Variants in KCNN2 observed in about 807,000 individuals in gnomAD.
The protein encoded by KCNN2 is potassium calcium-activated channel subfamily N member 2.
KCNN2 carries 24 observed loss-of-function variants against 55.5 expected under a neutral mutation model. The ratio of observed to expected loss-of-function variants is 0.43; its 90% CI spans 0.31 to 0.61. The LOEUF is 0.61. Among genes scored for constraint, KCNN2 ranks in the 20% least tolerant of loss-of-function variants. The probability of loss-of-function intolerance (pLI) is 0.08; values close to 1 mark genes in which losing one functional copy is unlikely to be tolerated. For missense variants in KCNN2, 754 were observed against 853.6 expected (o/e 0.88, Z 1.45); for synonymous variants, 431 against 336.1 (o/e 1.28, Z -3.09).
intron 1 of KCNN2, among the ~76,000 whole-genome samples, chr5:114,208,218 C>A (rs777296492): frequency 2.2e-4 from 34 of 152,294 alleles, no homozygotes; most frequent in Non-Finnish European, 4.7e-4. Flanking sequence ...TTTCTAACTT[C>A]ATTTGGATCC....
intron 5 of KCNN2, among the ~76,000 whole-genome samples, chr5:114,480,225 TA>T (rs1561411066): frequency 1.3e-5 from 2 of 152,044 alleles, no homozygotes; most frequent in Admixed American, 1.3e-4. Context: ...AGAATGCTAT[TA>T]AACACCTCTA....
rs150595892 is a variant in KCNN2, at chr5:114,483,343, C to T, written c.1891-3707C>T. Among the ~76,000 whole-genome samples, 604 of 145,996 alleles carry T rather than the reference C, an allele frequency of 4.1e-3. 5 individuals carry two copies. The highest frequency in any genetic ancestry group is 0.014 in the African/African-American group (571 of 39,718). On this transcript the variant is annotated intron_variant, in intron 5 of 7. Transcript: ENST00000673685. The stretch of plus-strand genomic sequence containing the variant: ...AGGCTGGAGCACAGCAGCGTGATCT[C>T]GGCTCACTGCAACCTCCACCTCCTG...
chr5:114,196,046 A>T (rs763176369), intron 1 of KCNN2, among the ~76,000 whole-genome samples: 4 of 152,036 alleles, frequency 2.6e-5, no homozygotes, highest in Non-Finnish European at 5.9e-5. Flanking sequence ...TGTTGAAAAG[A>T]CTATTCTTTC....
In KCNN2 at chr5:114,487,136, A is replaced by C; in HGVS notation, c.1977A>C (p.Lys659Asn). 6.2e-7 allele frequency: 1 copy of C among 1,613,108 alleles called. No individual in the cohort carries two copies. The highest frequency in any genetic ancestry group is 8.5e-7 in the Non-Finnish European group (1 of 1,179,304). ...TKLVKKIDHAKVRKHQRKFLQ... is the reference protein window; with the variant it reads ...TKLVKKIDHANVRKHQRKFLQ... The stretch of plus-strand genomic sequence containing the variant: ...TAGTGAAAAAGATAGATCATGCAAA[A>C]GTAAGAAAACATCAACGAAAATTCC... The change falls in exon 6 of 8, where the codon AAA becomes AAC. Residue 659 changes from lysine to asparagine, a missense_variant. By Grantham distance (94) the Lys-to-Asn change is moderately conservative. Transcript: ENST00000673685.
chr5:114,351,689 A>C (rs1757205855), intron 2 of KCNN2, among the ~76,000 whole-genome samples: 1 of 151,686 alleles, frequency 6.6e-6, no homozygotes, highest in Non-Finnish European at 1.5e-5. Flanking sequence ...ATTTTGTCAA[A>C]TATTTTTTCT....
chr5:114,353,580 G>A (rs1241174517), intron 2 of KCNN2, among the ~76,000 whole-genome samples: 1 of 151,216 alleles, frequency 6.6e-6, no homozygotes, highest in East Asian at 2.0e-4. Flanking sequence ...ATTACTGTTT[G>A]ATGTTATCTG....
At chr5:114,367,995 T>C (rs543489823) in intron 2 of KCNN2, among the ~76,000 whole-genome samples, 3 of 152,220 alleles carry the variant, frequency 2.0e-5, no homozygotes, top group South Asian at 2.1e-4. Flanking sequence ...GTTTTTGTAA[T>C]GTACAGCTGA....
At chr5:114,307,859 A>C (rs1202987464) in intron 2 of KCNN2, among the ~76,000 whole-genome samples, 1 of 152,102 alleles carries the variant, frequency 6.6e-6, no homozygotes, top group Non-Finnish European at 1.5e-5. Context: ...GACTGGATCC[A>C]TGGGTGCCTG....
intron 3 of KCNN2, among the ~76,000 whole-genome samples, chr5:114,438,478 G>A (rs1362196032): frequency 6.6e-6 from 1 of 152,154 alleles, no homozygotes; most frequent in Non-Finnish European, 1.5e-5. Context: ...GGACAGGATA[G>A]AAAAGGGGCT....
chr5:114,248,259 G>C lies in KCNN2; in HGVS notation c.-185+26694G>C, dbSNP rs563820525. Among the ~76,000 whole-genome samples the C allele has an allele frequency of 3.1e-4, 47 of 152,288 alleles. 1 individual carries two copies. In the South Asian group the frequency reaches 9.3e-3, roughly 30 times the overall value. On this transcript the variant is annotated intron_variant, in intron 2 of 10. Coordinates refer to the KCNN2 transcript ENST00000512097. ...TGAGAGTTGGTGTCATCCTCTTAATGATATTATGGAAATTCATCATGTTTG... is the reference window on the plus strand; with the variant it reads ...TGAGAGTTGGTGTCATCCTCTTAATCATATTATGGAAATTCATCATGTTTG...
chr5:114,100,474 A>T (rs1293084234), intron 1 of KCNN2, among the ~76,000 whole-genome samples: 4 of 152,160 alleles, frequency 2.6e-5, no homozygotes, highest in Non-Finnish European at 5.9e-5. Flanking sequence ...GTTCATGGAA[A>T]CCAGTGTTCT....
chr5:114,334,766 C>T (rs892787178), intron 2 of KCNN2, among the ~76,000 whole-genome samples: 3 of 152,202 alleles, frequency 2.0e-5, no homozygotes, highest in Admixed American at 1.3e-4. Flanking sequence ...TTCTGTATTT[C>T]TAAACTATCC....
chr5:114,315,994 C>T (rs1757807315), intron 2 of KCNN2, among the ~76,000 whole-genome samples: 1 of 151,960 alleles, frequency 6.6e-6, no homozygotes, highest in Non-Finnish European at 1.5e-5. Context: ...TGGTCTGGGC[C>T]TTGTATTTAC....
intron 2 of KCNN2, among the ~76,000 whole-genome samples, chr5:114,315,421 CTG>C (rs34000645): frequency 0.049 from 7,010 of 142,818 alleles, 294 homozygotes; most frequent in African/African-American, 0.11. Context: ...AAGGCAGAAA[CTG>C]TGTGTGTGTG....
chr5:114,366,953 G>C (rs1757620129), intron 2 of KCNN2, among the ~76,000 whole-genome samples: 1 of 152,118 alleles, frequency 6.6e-6, no homozygotes, highest in African/African-American at 2.4e-5. Context: ...GATAGTAAAA[G>C]CTCGCCAGTG....
intron 2 of KCNN2, among the ~76,000 whole-genome samples, chr5:114,297,229 G>A (rs947510271): frequency 7.2e-5 from 11 of 152,030 alleles, no homozygotes; most frequent in African/African-American, 2.4e-4. Context: ...GAGGTGGGAG[G>A]ATCACTTAAG....
intron 3 of KCNN2, 132 bp downstream of exon 3, chr5:114,404,988 T>C: frequency 1.5e-6 from 1 of 681,402 alleles, no homozygotes; most frequent in South Asian, 2.1e-5. Context: ...CAGGCTTCTT[T>C]GAAATGACTG....
At chr5:114,406,776 C>T (rs1758949695) in intron 3 of KCNN2, among the ~76,000 whole-genome samples, 2 of 152,078 alleles carry the variant, frequency 1.3e-5, no homozygotes, top group South Asian at 2.1e-4. Flanking sequence ...TAGCCCCTTT[C>T]TTGAACCCCA....
intron 3 of KCNN2, among the ~76,000 whole-genome samples, chr5:114,455,935 T>G (rs1760903688): frequency 6.6e-6 from 1 of 152,148 alleles, no homozygotes. Context: ...CAGAGGTTGG[T>G]TCATTAGATT....
Sources: allele counts gnomAD v4.1 joint callset (sites outside exome capture counted in the v4.1 genomes callset), GRCh38; gene constraint gnomAD v4.1.1; transcripts MANE v1.5; gene names NCBI Gene and HGNC (gene_info 2026-07-23, HGNC 2026-07-21).